Variants in CPED1 observed in about 807,000 individuals in gnomAD.
The protein encoded by CPED1 is cadherin-like and PC-esterase domain-containing protein 1.
Under a neutral mutation model 128.2 loss-of-function variants are expected in CPED1, and 114 were observed. That is an observed-to-expected ratio of 0.89 (90% confidence interval 0.76 to 1.04). CPED1 has a LOEUF of 1.04. CPED1 is among the 50% of genes least tolerant of loss of function. CPED1 has a pLI of 0.00. For synonymous variants in CPED1, 462 were observed against 426.7 expected (o/e 1.08, Z -1.02); for missense variants, 1,211 against 1,207.1 (o/e 1.00, Z -0.05).
At chr7:121,284,590 C>T (rs1258533313) in intron 22 of CPED1, among the ~76,000 whole-genome samples, 1 of 152,192 alleles carries the variant, frequency 6.6e-6, no homozygotes, top group African/African-American at 2.4e-5. Context: ...TACACCCATT[C>T]CAAAGGGGAT....
chr7:121,023,960 C>T (rs1428978301), intron 3 of CPED1, among the ~76,000 whole-genome samples: 1 of 152,060 alleles, frequency 6.6e-6, no homozygotes, highest in African/African-American at 2.4e-5. Context: ...AAGTAATAGG[C>T]TTTGGACGGT....
chr7:121,278,300 T>A (rs1441411493), intron 22 of CPED1, among the ~76,000 whole-genome samples: 4 of 152,064 alleles, frequency 2.6e-5, no homozygotes, highest in African/African-American at 9.7e-5. Flanking sequence ...GAGGAGCAGG[T>A]TGAGGATTCA....
chr7:121,025,282 G>A (rs539189786), intron 3 of CPED1, among the ~76,000 whole-genome samples: 5 of 151,920 alleles, frequency 3.3e-5, no homozygotes, highest in African/African-American at 1.2e-4. Context: ...CCAATTAACT[G>A]TCTATAATGA....
intron 5 of CPED1, among the ~76,000 whole-genome samples, chr7:121,094,758 A>G (rs935499500): frequency 1.3e-5 from 2 of 152,170 alleles, no homozygotes; most frequent in Admixed American, 6.6e-5. Context: ...CATTTTCATA[A>G]TGCTTTTTCC....
intron 7 of CPED1, among the ~76,000 whole-genome samples, chr7:121,109,961 A>G (rs1236859015): frequency 6.6e-6 from 1 of 152,188 alleles, no homozygotes; most frequent in Non-Finnish European, 1.5e-5. Flanking sequence ...ATCCAATTGC[A>G]TTTTTACTTT....
intron 5 of CPED1, among the ~76,000 whole-genome samples, chr7:121,086,074 G>T (rs1794420412): frequency 6.6e-6 from 1 of 152,152 alleles, no homozygotes; most frequent in African/African-American, 2.4e-5. Context: ...GAGTAGAAAG[G>T]TTATGCTTAA....
At chr7:121,182,216 T>TC (rs1796912617) in intron 16 of CPED1, among the ~76,000 whole-genome samples, 2 of 150,428 alleles carry the variant, frequency 1.3e-5, no homozygotes, top group African/African-American at 4.9e-5. Context: ...TTTTTTTTTT[T>TC]AGTTTTAATG....
rs1395082814 is a variant in CPED1, at chr7:121,289,806, TTTTA to T, written c.2869-5626_2869-5623del. Among the ~76,000 whole-genome samples the T allele has an allele frequency of 5.3e-5, 8 of 152,276 alleles. No homozygotes were observed. In the South Asian group the frequency reaches 6.2e-4, roughly 12 times the overall value. ...TTCATAATTTGTTATTCTTTTATTA[TTTTA>T]TTTATTTTTATTATACTTTAAGTTC... On this transcript the variant is annotated intron_variant, in intron 22 of 22. Coordinates refer to ENST00000310396, the MANE Select transcript of CPED1 (RefSeq NM_024913.5).
chr7:121,047,883 T>C (rs1419782227), intron 4 of CPED1, among the ~76,000 whole-genome samples: 1 of 151,888 alleles, frequency 6.6e-6, no homozygotes, highest in African/African-American at 2.4e-5. Flanking sequence ...TTTTTTGCAT[T>C]TTTTAGTGGA....
At chr7:121,025,953 C>T (rs1038655011) in intron 3 of CPED1, among the ~76,000 whole-genome samples, 4 of 152,086 alleles carry the variant, frequency 2.6e-5, no homozygotes, top group African/African-American at 9.7e-5. Flanking sequence ...TAGTGCTATC[C>T]CGGCAGTATC....
At chr7:121,153,781 G>A (rs946663414) in intron 16 of CPED1, among the ~76,000 whole-genome samples, 5 of 139,352 alleles carry the variant, frequency 3.6e-5, no homozygotes, top group African/African-American at 1.3e-4. Flanking sequence ...CATGGGTGTA[G>A]TTATAAGCGG....
chr7:121,130,180 T>G lies in CPED1; in HGVS notation c.1463T>G (p.Val488Gly), dbSNP rs375235632. ...IQSLMHEFYD[V>G]ANPVGNPGSV... Reference sequence around the variant, plus strand: ...TCACTGATGCATGAATTTTATGATGTGGCAAATCCTGTGGGAAATCCTGGC... The same window carrying G: ...TCACTGATGCATGAATTTTATGATGGGGCAAATCCTGTGGGAAATCCTGGC... The change falls in exon 12 of 23, where the codon GTG becomes GGG. Residue 488 changes from valine to glycine, a missense_variant. Coordinates refer to ENST00000310396, the MANE Select transcript of CPED1 (RefSeq NM_024913.5). 6.2e-7 allele frequency: 1 copy of G among 1,613,092 alleles called. No homozygotes were observed. The highest frequency in any genetic ancestry group is 8.5e-7 in the Non-Finnish European group (1 of 1,179,274).
At position 121,133,911 on chromosome 7, in the gene CPED1, C is replaced by A; in HGVS notation, c.1648+18C>A. ...TAAAAAAGGTAAAAATATAGATATT[C>A]CCACTTATTTCAACATAAAAATAAG... On this transcript the variant is annotated intron_variant, in intron 13 of 22. Transcript: ENST00000310396. 3 of 1,379,094 alleles carry A rather than the reference C, an allele frequency of 2.2e-6. No homozygotes were observed. The highest frequency in any genetic ancestry group is 2.0e-6 in the Non-Finnish European group (2 of 987,992). 85.4% of individuals were successfully genotyped at this position (1,379,094 alleles called of 1,614,324 possible). A position where few individuals can be genotyped will look rare whatever the true frequency, so the allele number is the denominator to read the frequency against.
At chr7:121,004,349 G>A (rs940168115) in intron 2 of CPED1, among the ~76,000 whole-genome samples, 6 of 152,178 alleles carry the variant, frequency 3.9e-5, no homozygotes, top group Non-Finnish European at 8.8e-5. Flanking sequence ...GTGGTGACTG[G>A]ATAGGCAGTG....
chr7:121,207,510 T>G (rs1797548165), intron 16 of CPED1, among the ~76,000 whole-genome samples: 1 of 152,064 alleles, frequency 6.6e-6, no homozygotes, highest in East Asian at 1.9e-4. Context: ...CTATTGATTC[T>G]TCTTTCCAAT....
chr7:120,993,162 T>C (rs1430154156), intron 2 of CPED1, among the ~76,000 whole-genome samples: 2 of 152,228 alleles, frequency 1.3e-5, no homozygotes, highest in Non-Finnish European at 2.9e-5. Context: ...TAAACACAGA[T>C]GTGTTGTCTT....
At chr7:121,098,754 A>AT (rs1491340165) in intron 6 of CPED1, among the ~76,000 whole-genome samples, 3 of 25,198 alleles carry the variant, frequency 1.2e-4, no homozygotes, top group East Asian at 1.1e-3. Flanking sequence ...AAAAATATAT[A>AT]AAAATATATA....
intron 7 of CPED1, among the ~76,000 whole-genome samples, chr7:121,108,532 G>T (rs1795034028): frequency 6.6e-6 from 1 of 151,986 alleles, no homozygotes. Flanking sequence ...CTATGGAAAA[G>T]TTAAGCCTAT....
intron 16 of CPED1, among the ~76,000 whole-genome samples, chr7:121,194,083 C>T (rs1163314007): frequency 5.4e-5 from 6 of 110,250 alleles, no homozygotes; most frequent in Admixed American, 1.2e-4. Context: ...GAATCTTGCT[C>T]TGTTGCCCAG....
Sources: allele counts gnomAD v4.1 joint callset (sites outside exome capture counted in the v4.1 genomes callset), GRCh38; gene constraint gnomAD v4.1.1; transcripts MANE v1.5; gene names NCBI Gene and HGNC (gene_info 2026-07-23, HGNC 2026-07-21).